The following CACNG2 variants were observed in gnomAD, a reference collection of about 807,000 sequenced individuals.
CACNG2 encodes voltage-dependent calcium channel gamma-2 subunit.
In CACNG2, 3 loss-of-function variants were observed where a neutral mutation model predicts 25.9. The observed-to-expected ratio is 0.12, with a 90% CI of 0.05 to 0.30. The LOEUF (loss-of-function observed/expected upper bound fraction) is 0.30. CACNG2 is among the 10% of genes least tolerant of loss of function. The pLI, the probability that CACNG2 is intolerant of heterozygous loss-of-function variation, is 1.00. For synonymous variants in CACNG2, 167 were observed against 173.3 expected, an observed-to-expected ratio of 0.96 and a Z score of 0.29; for missense variants, 341 against 432.5, an observed-to-expected ratio of 0.79 and a Z score of 1.88.
intron 1 of CACNG2, among the ~76,000 whole-genome samples, chr22:36,693,008 T>G (rs1031014900): frequency 6.6e-6 from 1 of 151,944 alleles, no homozygotes; most frequent in African/African-American, 2.4e-5. Flanking sequence ...TAGATAAGCA[T>G]GGTGGTGTGC....
intron 1 of CACNG2, among the ~76,000 whole-genome samples, chr22:36,612,875 G>A (rs905394565): frequency 1.3e-5 from 2 of 152,152 alleles, no homozygotes; most frequent in Middle Eastern, 3.2e-3. Context: ...GTGGTTTACC[G>A]GCTGCAGGTA....
At chr22:36,618,762 T>C (rs2145947355) in intron 1 of CACNG2, among the ~76,000 whole-genome samples, 1 of 151,964 alleles carries the variant, frequency 6.6e-6, no homozygotes, top group Non-Finnish European at 1.5e-5. Flanking sequence ...CTACTAAAAA[T>C]ACAAAAAATT....
chr22:36,672,780 G>T (rs551929687), intron 1 of CACNG2, among the ~76,000 whole-genome samples: 1 of 152,184 alleles, frequency 6.6e-6, no homozygotes, highest in Non-Finnish European at 1.5e-5. Flanking sequence ...ATCCCATTCC[G>T]TACTTTAGTC....
chr22:36,572,499 C>T (rs1014063051), intron 2 of CACNG2, among the ~76,000 whole-genome samples: 3 of 152,086 alleles, frequency 2.0e-5, no homozygotes, highest in Non-Finnish European at 1.5e-5. Flanking sequence ...GTCAGGAGTT[C>T]GAGACCAGCA....
At chr22:36,586,609 T>G (rs1370165734) in intron 2 of CACNG2, among the ~76,000 whole-genome samples, 1 of 152,106 alleles carries the variant, frequency 6.6e-6, no homozygotes, top group African/African-American at 2.4e-5. Flanking sequence ...TTCATAAAAG[T>G]GATCTGAGGG....
intron 1 of CACNG2, among the ~76,000 whole-genome samples, chr22:36,635,572 G>A (rs979210692): frequency 2.0e-5 from 3 of 152,108 alleles, no homozygotes; most frequent in Admixed American, 6.6e-5. Context: ...CATCTGTCCC[G>A]AAGAAATCCC....
At chr22:36,667,404 T>A (rs1033990258) in intron 1 of CACNG2, among the ~76,000 whole-genome samples, 4 of 152,196 alleles carry the variant, frequency 2.6e-5, no homozygotes, top group African/African-American at 9.7e-5. Flanking sequence ...CTGAGCTGTT[T>A]ATACAGCTGT....
chr22:36,564,679 G>T lies in CACNG2; in HGVS notation c.644C>A (p.Thr215Lys). The T allele has an allele frequency of 6.2e-7, 1 of 1,614,014 alleles. No homozygotes were observed. Among genetic ancestry groups the T allele is most frequent in the Non-Finnish European group, 8.5e-7 (1 of 1,180,026 alleles). ...HKQLRATARA[T>K]DYLQASAITR... is the part of the protein sequence containing the mutation. The stretch of plus-strand genomic sequence containing the variant: ...GATGGCAGAGGCCTGGAGGTAGTCC[G>T]TGGCGCGGGCCGTGGCCCGCAGCTG... The change falls in exon 4 of 4, where the codon ACG becomes AAG. Residue 215 changes from threonine (T) to lysine (K), a missense_variant. Around this residue, in one of 2 missense-constraint regions of CACNG2, gnomAD observed 172 missense variants for 178.1 expected, o/e 0.97. Coordinates refer to ENST00000300105, the MANE Select transcript of CACNG2 (RefSeq NM_006078.5). The surrounding 1 kb of genome is among the most constrained non-coding windows in gnomAD (Gnocchi z 6.7).
chr22:36,650,735 A>T (rs1400483685), intron 1 of CACNG2, among the ~76,000 whole-genome samples: 1 of 152,064 alleles, frequency 6.6e-6, no homozygotes, highest in Admixed American at 6.5e-5. Flanking sequence ...GGCCACGCTG[A>T]TCTTGAACTC....
At chr22:36,607,703 T>C (rs1935865476) in intron 1 of CACNG2, among the ~76,000 whole-genome samples, 2 of 152,156 alleles carry the variant, frequency 1.3e-5, no homozygotes. Flanking sequence ...CACATTCCCA[T>C]TTCCAGGCCA....
intron 1 of CACNG2, among the ~76,000 whole-genome samples, chr22:36,662,636 C>T (rs1016816161): frequency 6.6e-6 from 1 of 152,192 alleles, no homozygotes; most frequent in Admixed American, 6.5e-5. Flanking sequence ...GACTTCCCTC[C>T]TAAGCACTAT....
At chr22:36,645,404 G>A (rs1370885788) in intron 1 of CACNG2, among the ~76,000 whole-genome samples, 1 of 151,970 alleles carries the variant, frequency 6.6e-6, no homozygotes, top group African/African-American at 2.4e-5. Context: ...AGGCGTTGTG[G>A]CGTGTGCCTG....
chr22:36,564,959 G>A lies in CACNG2; in HGVS notation c.437-73C>T, dbSNP rs1935101893. ...AGTTTCTCAGGAAGTCGGCCACAGGGCAGCCGTAAAGGACGGGGACAGCTG... is the reference window on the plus strand; with the variant it reads ...AGTTTCTCAGGAAGTCGGCCACAGGACAGCCGTAAAGGACGGGGACAGCTG... On this transcript the variant is annotated intron_variant, in intron 3 of 3. Transcript: ENST00000300105. The surrounding 1 kb of genome is among the most constrained non-coding windows in gnomAD (Gnocchi z 6.7). The A allele has an allele frequency of 7.0e-7, 1 of 1,423,734 alleles. No individual in the cohort carries two copies. 88.2% of individuals were successfully genotyped at this position (1,423,734 alleles called of 1,614,324 possible).
intron 1 of CACNG2, among the ~76,000 whole-genome samples, chr22:36,693,174 G>A (rs2146016583): frequency 6.6e-6 from 1 of 152,224 alleles, no homozygotes; most frequent in South Asian, 2.1e-4. Context: ...ACAGGACTTG[G>A]GGGGCTACTG....
At chr22:36,649,536 C>T (rs527384840) in intron 1 of CACNG2, among the ~76,000 whole-genome samples, 91 of 152,294 alleles carry the variant, frequency 6.0e-4, no homozygotes, top group Non-Finnish European at 1.1e-3. Context: ...TTGTGATTTG[C>T]CCGCCTCAGC....
At position 36,588,605 on chromosome 22, in the gene CACNG2, G is replaced by A. The variant is rs116543219; in HGVS notation, c.212-1057C>T. On this transcript the variant is annotated intron_variant, in intron 1 of 3. Transcript: ENST00000300105. The stretch of plus-strand genomic sequence containing the variant: ...GTGTATGCTGGGGCGTATGCACAGT[G>A]GGTAAGATGCAGGTTGCACAGCCAG... Among the ~76,000 whole-genome samples, 975 of 152,280 alleles carry A rather than the reference G, an allele frequency of 6.4e-3. 10 individuals carry two copies. Among genetic ancestry groups the A allele is most frequent in the African/African-American group, 0.022 (902 of 41,548 alleles).
At position 36,576,016 on chromosome 22, in the gene CACNG2, C is replaced by T. The variant is rs1019054367; in HGVS notation, c.296-9523G>A. Among the ~76,000 whole-genome samples, 5 of 152,238 alleles carry T rather than the reference C, an allele frequency of 3.3e-5. No homozygotes were observed. In the East Asian group the frequency reaches 7.7e-4, roughly 23 times the overall value. ...CATCTCTTCCCATCTTCTCCTTCCACGCTGTGCTGGCTGGTGTAGCCAATG... is the reference window on the plus strand; with the variant it reads ...CATCTCTTCCCATCTTCTCCTTCCATGCTGTGCTGGCTGGTGTAGCCAATG... On this transcript the variant is annotated intron_variant, in intron 2 of 3. Coordinates refer to ENST00000300105, the MANE Select transcript of CACNG2 (RefSeq NM_006078.5).
chr22:36,656,868 C>T (rs1936714105), intron 1 of CACNG2, among the ~76,000 whole-genome samples: 1 of 152,204 alleles, frequency 6.6e-6, no homozygotes, highest in Non-Finnish European at 1.5e-5. Context: ...CTCTCTGGCC[C>T]CCTTCCTGTT....
At chr22:36,609,333 C>T (rs1219821803) in intron 1 of CACNG2, among the ~76,000 whole-genome samples, 2 of 148,826 alleles carry the variant, frequency 1.3e-5, no homozygotes, top group Non-Finnish European at 3.0e-5. Flanking sequence ...AGGAATCAGC[C>T]CCCTAGAGTG....
Sources: allele counts gnomAD v4.1 joint callset (sites outside exome capture counted in the v4.1 genomes callset), GRCh38; gene constraint gnomAD v4.1.1; regional missense constraint gnomAD v4.1.1; non-coding constraint Gnocchi (gnomAD v3.1); transcripts MANE v1.5; gene names NCBI Gene and HGNC (gene_info 2026-07-23, HGNC 2026-07-21).